The following ADGRG6 variants were observed in gnomAD, a reference collection of about 807,000 sequenced individuals.
ADGRG6 encodes the protein adhesion G protein-coupled receptor G6.
ADGRG6 carries 84 observed loss-of-function variants against 142.4 expected under a neutral mutation model. The observed-to-expected ratio is 0.59, with a 90% confidence interval of 0.49 to 0.71. The LOEUF is 0.71. ADGRG6 is among the 30% of genes least tolerant of loss of function. The pLI is 0.00. For missense variants in ADGRG6, 1,367 were observed against 1,466.6 expected (o/e 0.93, Z 1.11); for synonymous variants, 521 against 520.5 (o/e 1.00, Z -0.01).
intron 1 of ADGRG6, among the ~76,000 whole-genome samples, chr6:142,308,758 C>CTT (rs147079155): frequency 6.8e-6 from 1 of 146,062 alleles, no homozygotes; most frequent in African/African-American, 2.5e-5. Context: ...GCTGGTTTGC[C>CTT]TTTTTTTTTT....
Position 142,397,699 on chromosome 6 carries a change from A to G in ADGRG6, c.1511A>G (p.Asn504Ser), listed in dbSNP as rs979463832. 3 of 1,609,358 alleles carry G rather than the reference A, an allele frequency of 1.9e-6. No homozygotes were observed. The highest frequency in any genetic ancestry group is 2.5e-6 in the Non-Finnish European group (3 of 1,177,490). Reference protein sequence around the residue: ...GKIIQQKLLKNNESLDEGLRL... With the variant: ...GKIIQQKLLKSNESLDEGLRL... ...ATCATTCAGCAGAAGCTCCTAAAAA[A>G]TAATGAGTCCTTGGATGAAGGCTTG... is the stretch of plus-strand genomic sequence containing the variant. Residue 504 changes from asparagine (N) to serine (S), a missense_variant, in exon 10 of 25, where the codon AAT becomes AGT. Asn to Ser is a conservative substitution (Grantham distance 46). Around this residue, in one of 3 missense-constraint regions of ADGRG6, gnomAD observed 737 missense variants for 746.5 expected, o/e 0.99. Transcript: ENST00000367609.
intron 2 of ADGRG6, among the ~76,000 whole-genome samples, chr6:142,330,272 G>C (rs1389905062): frequency 6.6e-6 from 1 of 151,844 alleles, no homozygotes; most frequent in Admixed American, 6.6e-5. Context: ...GAAATAATCT[G>C]TACAGCAAAC....
At chr6:142,332,537 G>A (rs910147438) in intron 2 of ADGRG6, among the ~76,000 whole-genome samples, 3 of 150,102 alleles carry the variant, frequency 2.0e-5, no homozygotes, top group Non-Finnish European at 1.5e-5. Flanking sequence ...CAGAGTTGAC[G>A]TTCTGCTGGC....
intron 2 of ADGRG6, among the ~76,000 whole-genome samples, chr6:142,316,736 A>T (rs768668112): frequency 6.6e-6 from 1 of 152,090 alleles, no homozygotes; most frequent in Non-Finnish European, 1.5e-5. Context: ...CAGTGATTTC[A>T]GTGGCTGCAG....
In ADGRG6 at chr6:142,415,833, A is replaced by C. The variant is rs760388656; in HGVS notation, c.2707A>C (p.Asn903His). ...GGATTATCCCTCCAAAATCTTGATG[A>C]ACCTGAGCACAGCCCTGCTGTTCCT... The part of the protein sequence containing the change: ...RRDYPSKILM[N>H]LSTALLFLNL... Residue 903 changes from asparagine (N) to histidine (H), a missense_variant, in exon 20 of 25, where the codon AAC becomes CAC. Transcript: ENST00000367609. 14 of 1,612,748 alleles carry C rather than the reference A, an allele frequency of 8.7e-6. No individual in the cohort carries two copies. Among genetic ancestry groups the C allele is most frequent in the Non-Finnish European group, 1.2e-5 (14 of 1,179,020 alleles).
chr6:142,402,860 AT>A, intron 13 of ADGRG6, 30 bp downstream of exon 13: 1 of 1,152,388 alleles, frequency 8.7e-7, no homozygotes, highest in Non-Finnish European at 1.3e-6. Flanking sequence ...TGGAGAGTAA[AT>A]TTTATTGGAT....
At chr6:142,304,903 G>T (rs1166173864) in intron 1 of ADGRG6, among the ~76,000 whole-genome samples, 1 of 152,048 alleles carries the variant, frequency 6.6e-6, no homozygotes, top group Non-Finnish European at 1.5e-5. Flanking sequence ...ATCAAAAAAT[G>T]TGGCTACCTG....
rs374822268 is a variant in ADGRG6, at chr6:142,308,609, ACT to A, written c.3-927_3-926del. Among the ~76,000 whole-genome samples, 531 of 151,766 alleles carry A rather than the reference ACT, an allele frequency of 3.5e-3. 3 individuals carry two copies. Among genetic ancestry groups the A allele is most frequent in the South Asian group, 0.015 (71 of 4,812 alleles). ...TCAGTTACTACTTATAGGCAAAGTA[ACT>A]CTCTCTCAGGGGATTTTCAGGTTTC... On this transcript the variant is annotated intron_variant, in intron 1 of 24. Coordinates refer to ENST00000367609, the MANE Select transcript of ADGRG6 (RefSeq NM_198569.3).
chr6:142,396,780 A>T (rs946523527), intron 9 of ADGRG6, among the ~76,000 whole-genome samples: 10 of 152,166 alleles, frequency 6.6e-5, no homozygotes, highest in African/African-American at 2.4e-4. Flanking sequence ...CCTCTACCTG[A>T]CAAAATAATG....
At chr6:142,327,418 G>T (rs1326954033) in intron 2 of ADGRG6, among the ~76,000 whole-genome samples, 2 of 152,122 alleles carry the variant, frequency 1.3e-5, no homozygotes, top group Non-Finnish European at 2.9e-5. Flanking sequence ...GTGAAAATCA[G>T]CTGTAGCAAG....
At chr6:142,359,422 A>C (rs1253631385) in intron 2 of ADGRG6, among the ~76,000 whole-genome samples, 1 of 151,928 alleles carries the variant, frequency 6.6e-6, no homozygotes, top group Non-Finnish European at 1.5e-5. Context: ...ACTAAATCTT[A>C]AGTTACTTGA....
At chr6:142,318,007 A>C (rs1778228505) in intron 2 of ADGRG6, among the ~76,000 whole-genome samples, 1 of 32,774 alleles carries the variant, frequency 3.1e-5, no homozygotes, top group Non-Finnish European at 4.9e-5. Flanking sequence ...ATTATATATA[A>C]TATTTATGTT....
At chr6:142,427,867 A>G (rs915170374) in intron 22 of ADGRG6, among the ~76,000 whole-genome samples, 3 of 152,168 alleles carry the variant, frequency 2.0e-5, no homozygotes, top group Non-Finnish European at 4.4e-5. Context: ...CTCATTCACT[A>G]TCACGAGAAC....
At chr6:142,308,748 G>A (rs1184347857) in intron 1 of ADGRG6, among the ~76,000 whole-genome samples, 1 of 149,926 alleles carries the variant, frequency 6.7e-6, no homozygotes, top group Non-Finnish European at 1.5e-5. Context: ...TTCCTTCTTT[G>A]CTGGTTTGCC....
intron 6 of ADGRG6, among the ~76,000 whole-genome samples, chr6:142,385,724 G>C (rs531420804): frequency 1.3e-5 from 2 of 152,150 alleles, no homozygotes; most frequent in Non-Finnish European, 2.9e-5. Flanking sequence ...GACTAACAAA[G>C]TATTAGAGAC....
chr6:142,308,981 A>G (rs1422219512), intron 1 of ADGRG6, among the ~76,000 whole-genome samples: 1 of 151,882 alleles, frequency 6.6e-6, no homozygotes, highest in Non-Finnish European at 1.5e-5. Context: ...TAAAAACTTG[A>G]TAGCTATTTT....
At chr6:142,321,286 T>TACGC (rs1554231337) in intron 2 of ADGRG6, among the ~76,000 whole-genome samples, 1 of 147,778 alleles carries the variant, frequency 6.8e-6, no homozygotes, top group Non-Finnish European at 1.5e-5. Flanking sequence ...TAAGCATGCA[T>TACGC]ACACACACAC....
intron 10 of ADGRG6, among the ~76,000 whole-genome samples, chr6:142,398,653 C>T (rs986352223): frequency 1.8e-4 from 27 of 152,052 alleles, no homozygotes; most frequent in African/African-American, 6.5e-4. Flanking sequence ...TATCTTTGCA[C>T]ACTGTTCTTC....
chr6:142,432,782 A>G (rs1477492297), intron 22 of ADGRG6, among the ~76,000 whole-genome samples: 1 of 152,178 alleles, frequency 6.6e-6, no homozygotes, highest in Non-Finnish European at 1.5e-5. Context: ...TACTACCCCA[A>G]CAAGGCTAAG....
Sources: gnomAD v4.1 joint callset for allele counts (sites outside exome capture counted in the v4.1 genomes callset) on GRCh38, gnomAD v4.1.1 for gene constraint, gnomAD v4.1.1 regional missense constraint, MANE v1.5 for transcripts, NCBI Gene and HGNC (gene_info 2026-07-23, HGNC 2026-07-21) for gene names.